Variants in KIF15 observed in about 807,000 individuals in gnomAD.
KIF15 encodes the protein kinesin-like protein KIF15.
KIF15 carries 140 observed loss-of-function variants against 190.6 expected under a neutral mutation model. That is an observed-to-expected ratio of 0.73 (90% CI 0.64 to 0.84). The LOEUF is 0.84. KIF15 is among the 40% of genes least tolerant of loss of function. KIF15 has a pLI of 0.00. For missense variants in KIF15, 1,372 were observed against 1,584.4 expected (o/e 0.87, Z 2.28); for synonymous variants, 528 against 551.3 (o/e 0.96, Z 0.59).
intron 4 of KIF15, 83 bp from the exon 5 acceptor site, chr3:44,780,802 A>G: frequency 2.3e-6 from 2 of 861,350 alleles, no homozygotes; most frequent in South Asian, 1.8e-5. Context: ...TTTTGTGGAG[A>G]AAACTTATAC....
intron 6 of KIF15, among the ~76,000 whole-genome samples, chr3:44,861,676 TGGCCTCA>T (rs1356906617): frequency 9.9e-5 from 15 of 152,246 alleles, no homozygotes; most frequent in Non-Finnish European, 1.5e-4. Flanking sequence ...GTACCCGGCT[TGGCCTCA>T]GGCCTCGGGT....
chr3:44,773,992 C>G (rs1267150634), intron 1 of KIF15, among the ~76,000 whole-genome samples: 1 of 152,210 alleles, frequency 6.6e-6, no homozygotes, highest in Non-Finnish European at 1.5e-5. Flanking sequence ...GGCTTCTCTC[C>G]CTGCATAAGG....
chr3:44,861,885 C>A, intron 6 of KIF15: 1 of 1,490,112 alleles, frequency 6.7e-7, no homozygotes, highest in South Asian at 1.2e-5. Flanking sequence ...GCGCTCTGCC[C>A]TGCGGGCAGC....
intron 7 of KIF15, 105 bp from the exon 8 acceptor site, chr3:44,794,112 C>T (rs1192907015): frequency 1.5e-5 from 13 of 860,948 alleles, no homozygotes; most frequent in Admixed American, 9.0e-5. Flanking sequence ...AATTCCTATC[C>T]ACAAGTGATC....
Position 44,801,466 on chromosome 3 carries a change from C to T in KIF15, c.1239C>T (p.Asn413=), listed in dbSNP as rs1267604341. 1 of 1,568,986 alleles carries T rather than the reference C, an allele frequency of 6.4e-7. No homozygotes were observed. Among genetic ancestry groups the T allele is most frequent in the East Asian group, 2.2e-5 (1 of 44,488 alleles). ...CAATTACAGACAAAAAGAAGACTAACTATATGGAGTATTTCCAGGAAGCAA... is the reference window on the plus strand; with the variant it reads ...CAATTACAGACAAAAAGAAGACTAATTATATGGAGTATTTCCAGGAAGCAA... ...SFLTRDKKKT[N]YMEYFQEAML... is the part of the protein sequence containing the mutation. Residue 413 remains asparagine, a synonymous_variant, in exon 12 of 35, where the codon AAC becomes AAT. Coordinates refer to ENST00000326047, the MANE Select transcript of KIF15 (RefSeq NM_020242.3).
intron 1 of KIF15, among the ~76,000 whole-genome samples, chr3:44,767,012 G>A (rs1457769528): frequency 8.6e-5 from 13 of 151,764 alleles, no homozygotes; most frequent in East Asian, 3.9e-4. Flanking sequence ...GGGTTTCACC[G>A]TGTTAGCCAG....
intron 6 of KIF15, chr3:44,865,363 C>A: frequency 1.3e-6 from 1 of 755,062 alleles, no homozygotes; most frequent in Non-Finnish European, 2.1e-6. Context: ...CAGCAGTGTT[C>A]TACCGGAAGT....
chr3:44,821,127 G>A (rs2125677890), intron 20 of KIF15, among the ~76,000 whole-genome samples: 1 of 147,558 alleles, frequency 6.8e-6, no homozygotes, highest in East Asian at 2.0e-4. Context: ...CCGGGCGGGG[G>A]GCTGACCCCC....
intron 10 of KIF15, among the ~76,000 whole-genome samples, chr3:44,798,690 C>A (rs1013238655): frequency 2.6e-5 from 4 of 152,124 alleles, no homozygotes; most frequent in Admixed American, 2.6e-4. Flanking sequence ...AGGTGTGAAC[C>A]ACTGTACCCA....
chr3:44,824,041 G>C (rs1458497417), intron 20 of KIF15, among the ~76,000 whole-genome samples: 1 of 152,126 alleles, frequency 6.6e-6, no homozygotes, highest in African/African-American at 2.4e-5. Flanking sequence ...CAGTCCCAGT[G>C]AGATGAACCA....
intron 16 of KIF15, among the ~76,000 whole-genome samples, 190 bp downstream of exon 16, chr3:44,806,176 G>T (rs570363395): frequency 4.6e-5 from 7 of 152,314 alleles, no homozygotes; most frequent in Non-Finnish European, 8.8e-5. Context: ...GTAGGGTGGG[G>T]TAGGAAAGAA....
At position 44,841,094 on chromosome 3, in the gene KIF15, C is replaced by T. The variant is rs80007780; in HGVS notation, c.3441C>T (p.His1147=). The change falls in exon 29 of 35, where the codon CAC becomes CAT. Residue 1147 remains histidine (H), a synonymous_variant. Coordinates refer to ENST00000326047, the MANE Select transcript of KIF15 (RefSeq NM_020242.3). ...TTTAGAGTCCTAAGACACCACCTCA[C>T]TTTCAAACACATTTGGCAAAACTCC... The part of the protein sequence containing the change: ...EDPQSPKTPP[H]FQTHLAKLLE... The T allele has an allele frequency of 6.2e-7, 1 of 1,613,094 alleles. No homozygotes were observed. Among genetic ancestry groups the T allele is most frequent in the Non-Finnish European group, 8.5e-7 (1 of 1,179,538 alleles).
At chr3:44,806,979 C>T (rs771480775) in intron 16 of KIF15, among the ~76,000 whole-genome samples, 5 of 152,092 alleles carry the variant, frequency 3.3e-5, no homozygotes, top group South Asian at 2.1e-4. Flanking sequence ...CTCATGACCT[C>T]GTGATCTGCC....
chr3:44,806,072 A>T, intron 16 of KIF15, 86 bp downstream of exon 16: 2 of 1,419,840 alleles, frequency 1.4e-6, no homozygotes, highest in Non-Finnish European at 1.9e-6. Context: ...GTCTATCTCC[A>T]GATGCAGATG....
chr3:44,817,220 G>C (rs1036462544), intron 20 of KIF15, among the ~76,000 whole-genome samples: 11 of 152,090 alleles, frequency 7.2e-5, no homozygotes, highest in South Asian at 2.1e-4. Flanking sequence ...CATTTCTTTT[G>C]CTGTGCAGAG....
chr3:44,768,557 C>A (rs57269503), intron 1 of KIF15, among the ~76,000 whole-genome samples: 68,442 of 151,696 alleles, frequency 0.45, 16,597 homozygotes, highest in East Asian at 0.83. Context: ...TGAGCCACTC[C>A]ACATTGATTT....
intron 22 of KIF15, among the ~76,000 whole-genome samples, 182 bp downstream of exon 22, chr3:44,826,642 GTAACAACTAGC>G (rs1305095241): frequency 3.3e-5 from 5 of 152,116 alleles, no homozygotes; most frequent in African/African-American, 1.2e-4. Flanking sequence ...TTCAAAACAT[GTAACAACTAGC>G]TATAGTACTT....
intron 20 of KIF15, among the ~76,000 whole-genome samples, chr3:44,820,747 C>T (rs1016150673): frequency 2.6e-5 from 4 of 152,316 alleles, no homozygotes; most frequent in African/African-American, 9.6e-5. Context: ...CCCATGTCTA[C>T]CTCCTACTAC....
intron 30 of KIF15, 47 bp downstream of exon 30, chr3:44,843,281 T>C (rs757093820): frequency 2.4e-5 from 31 of 1,288,334 alleles, no homozygotes; most frequent in Non-Finnish European, 3.2e-5. Flanking sequence ...TTGGCCTGCC[T>C]GTGTGGAGTT....
Sources: gnomAD v4.1 joint callset for allele counts (sites outside exome capture counted in the v4.1 genomes callset) on GRCh38, gnomAD v4.1.1 for gene constraint, MANE v1.5 for transcripts, NCBI Gene and HGNC (gene_info 2026-07-23, HGNC 2026-07-21) for gene names.